ADARB2: variants seen among roughly 807,000 people sequenced by gnomAD.
ADARB2 encodes adenosine deaminase RNA specific B2 (inactive).
Under a neutral mutation model 62.2 loss-of-function variants are expected in ADARB2, and 25 were observed. The ratio of observed to expected loss-of-function variants is 0.40; its 90% CI spans 0.29 to 0.56. The LOEUF (loss-of-function observed/expected upper bound fraction) is 0.56. Among genes scored for constraint, ADARB2 ranks in the 20% least tolerant of loss-of-function variants. The probability of loss-of-function intolerance (pLI) is 0.43; values close to 1 mark genes in which losing one functional copy is unlikely to be tolerated. For missense variants in ADARB2, 1,071 were observed against 1,077.4 expected (o/e 0.99, Z 0.08); for synonymous variants, 572 against 500.8 (o/e 1.14, Z -1.90).
intron 4 of ADARB2, among the ~76,000 whole-genome samples, chr10:1,253,200 T>C (rs1191780135): frequency 6.6e-6 from 1 of 152,278 alleles, no homozygotes; most frequent in Non-Finnish European, 1.5e-5. Flanking sequence ...CTTTAGCTAT[T>C]ATGATACATA....
chr10:1,388,551 G>C (rs192119496), intron 1 of ADARB2, among the ~76,000 whole-genome samples: 2 of 152,110 alleles, frequency 1.3e-5, no homozygotes, highest in East Asian at 3.9e-4. Flanking sequence ...ATACACAAAA[G>C]TCTACATGCT....
At chr10:1,324,778 G>A (rs7919202) in intron 3 of ADARB2, among the ~76,000 whole-genome samples, 35,702 of 152,156 alleles carry the variant, frequency 0.23, 4,963 homozygotes, top group Middle Eastern at 0.37. Flanking sequence ...GGGGCCCTGT[G>A]GGATGGGTGA....
chr10:1,576,077 AGG>A (rs1833013060), intron 1 of ADARB2, among the ~76,000 whole-genome samples: 8 of 21,496 alleles, frequency 3.7e-4, no homozygotes, highest in Admixed American at 5.2e-4. Flanking sequence ...CCAGGGTCAC[AGG>A]AGGGGGCTCA....
chr10:1,563,959 CTCA>C (rs1832823771), intron 1 of ADARB2, among the ~76,000 whole-genome samples: 1 of 149,866 alleles, frequency 6.7e-6, no homozygotes, highest in Non-Finnish European at 1.5e-5. Context: ...AGGACATGAA[CTCA>C]TCATTTTTTA....
chr10:1,691,306 G>T (rs1396584414), intron 1 of ADARB2, among the ~76,000 whole-genome samples: 1 of 152,138 alleles, frequency 6.6e-6, no homozygotes, highest in Admixed American at 6.5e-5. Flanking sequence ...TTTGACCTTG[G>T]ACTTCCAGCC....
In ADARB2 at chr10:1,179,879, C is replaced by T. The variant is rs539145052; in HGVS notation, c.*3314G>A. The T allele has an allele frequency of 7.9e-5, 12 of 152,082 alleles. No individual in the cohort carries two copies. The highest frequency in any genetic ancestry group is 2.7e-4 in the African/African-American group (11 of 41,366). The allele number at this position is 152,082 out of a possible 1,614,324, so 9.4% of individuals were successfully genotyped here. ...GGCGGGCCTGACTTCATCAGCCCCC[C>T]TTGTGTCGTGCCCAGCGTATTTTCA... On this transcript the variant is annotated 3_prime_UTR_variant, in exon 10 of 10. Coordinates refer to ENST00000381312, the MANE Select transcript of ADARB2 (RefSeq NM_018702.4).
chr10:1,197,927 G>A (rs1440561736), intron 8 of ADARB2, among the ~76,000 whole-genome samples: 1 of 152,160 alleles, frequency 6.6e-6, no homozygotes, highest in Non-Finnish European at 1.5e-5. Flanking sequence ...CTAAAAGGAT[G>A]ATTATTCAAA....
intron 3 of ADARB2, among the ~76,000 whole-genome samples, chr10:1,295,957 C>T (rs904954): frequency 0.16 from 23,775 of 152,196 alleles, 2,103 homozygotes; most frequent in Non-Finnish European, 0.2. Context: ...GCTCCTCACT[C>T]AGGAGCCTGT....
chr10:1,704,100 G>A lies in ADARB2; in HGVS notation c.100+32951C>T, dbSNP rs1450019897. 1.3e-5 allele frequency among the ~76,000 whole-genome samples: 2 copies of A among 152,194 alleles called. No homozygotes were observed. Among genetic ancestry groups the A allele is most frequent in the Non-Finnish European group, 2.9e-5 (2 of 68,038 alleles). ...CCTGTGGGTCAGGAATCCAGGAGCAGCCTCACTCTTGCTGTAAGACAGCGG... is the reference window on the plus strand; with the variant it reads ...CCTGTGGGTCAGGAATCCAGGAGCAACCTCACTCTTGCTGTAAGACAGCGG... On this transcript the variant is annotated intron_variant, in intron 1 of 9. Coordinates refer to ENST00000381312, the MANE Select transcript of ADARB2 (RefSeq NM_018702.4). This position sits in a 1 kb window ranked among gnomAD's most constrained non-coding sequence, Gnocchi z 5.6.
At chr10:1,630,021 C>T (rs1833822251) in intron 1 of ADARB2, among the ~76,000 whole-genome samples, 2 of 152,270 alleles carry the variant, frequency 1.3e-5, no homozygotes, top group East Asian at 3.9e-4. Flanking sequence ...CCAGCCACAC[C>T]CACTTGGCAC....
Position 1,379,084 on chromosome 10 carries a change from G to A in ADARB2, c.177C>T (p.Asp59=), listed in dbSNP as rs1408652697. The A allele has an allele frequency of 5.6e-6, 9 of 1,613,238 alleles. No homozygotes were observed. The highest frequency in any genetic ancestry group is 6.8e-6 in the Non-Finnish European group (8 of 1,179,284). ...AGGGAAGTTGCTTACTGAGGGTGTC[G>A]TCATCCTCCGTGTTTGTGATGCCAG... The part of the protein sequence containing the change: ...LSPGITNTED[D]DTLSTSSAEV... The change falls in exon 2 of 10, where the codon GAC becomes GAT. Residue 59 remains aspartate (D), a synonymous_variant. Transcript: ENST00000381312.
intron 1 of ADARB2, among the ~76,000 whole-genome samples, chr10:1,665,024 C>A (rs568383157): frequency 6.6e-6 from 1 of 152,292 alleles, no homozygotes; most frequent in Non-Finnish European, 1.5e-5. Context: ...ATGCCGACAC[C>A]TTGACCAGGG....
intron 1 of ADARB2, among the ~76,000 whole-genome samples, chr10:1,432,762 G>A (rs1318493427): frequency 6.6e-6 from 1 of 151,752 alleles, no homozygotes; most frequent in Non-Finnish European, 1.5e-5. Context: ...AGGTCCCCAG[G>A]GCTCCACTTT....
At chr10:1,659,411 G>C (rs1834214579) in intron 1 of ADARB2, among the ~76,000 whole-genome samples, 1 of 152,192 alleles carries the variant, frequency 6.6e-6, no homozygotes, top group South Asian at 2.1e-4. Context: ...GGGTCCCCAC[G>C]CGACATCTAA....
intron 1 of ADARB2, chr10:1,678,331 T>C: frequency 3.0e-6 from 3 of 984,876 alleles, no homozygotes; most frequent in Non-Finnish European, 3.6e-6. Context: ...AGGGTGAACA[T>C]CCTCGGGGTG....
intron 3 of ADARB2, among the ~76,000 whole-genome samples, chr10:1,299,510 T>C (rs1260734744): frequency 6.6e-6 from 1 of 152,204 alleles, no homozygotes; most frequent in Non-Finnish European, 1.5e-5. Context: ...TGTCATCCAC[T>C]AGTTTGGACG....
At chr10:1,481,738 T>C (rs1395899595) in intron 1 of ADARB2, among the ~76,000 whole-genome samples, 1 of 151,572 alleles carries the variant, frequency 6.6e-6, no homozygotes, top group Non-Finnish European at 1.5e-5. Flanking sequence ...GTGCCTGTAA[T>C]CCCAGCTACT....
chr10:1,663,304 C>T (rs1834272160), intron 1 of ADARB2, among the ~76,000 whole-genome samples: 1 of 152,092 alleles, frequency 6.6e-6, no homozygotes, highest in African/African-American at 2.4e-5. Context: ...TTATTATTGG[C>T]TCTATTTACA....
At chr10:1,252,154 G>T (rs1400280217) in intron 4 of ADARB2, among the ~76,000 whole-genome samples, 1 of 152,108 alleles carries the variant, frequency 6.6e-6, no homozygotes, top group Non-Finnish European at 1.5e-5. Context: ...TGTTTTAAAG[G>T]TAAATTTCTT....
Sources: allele counts gnomAD v4.1 joint callset (sites outside exome capture counted in the v4.1 genomes callset), GRCh38; gene constraint gnomAD v4.1.1; non-coding constraint Gnocchi (gnomAD v3.1); transcripts MANE v1.5; gene names NCBI Gene and HGNC (gene_info 2026-07-23, HGNC 2026-07-21).